Variants in ANKS1B observed in about 807,000 individuals in gnomAD.
ANKS1B encodes ankyrin repeat and sterile alpha motif domain-containing protein 1B.
In ANKS1B, 36 loss-of-function variants were observed where a neutral mutation model predicts 148.3. The ratio of observed to expected loss-of-function variants is 0.24; its 90% CI spans 0.19 to 0.32. The LOEUF is 0.32. Among genes scored for constraint, ANKS1B ranks in the 10% least tolerant of loss-of-function variants. The pLI is 1.00. For synonymous variants in ANKS1B, 542 were observed against 560.8 expected (o/e 0.97, Z 0.47); for missense variants, 1,157 against 1,542.6 (o/e 0.75, Z 4.19).
intron 9 of ANKS1B, among the ~76,000 whole-genome samples, chr12:99,592,405 G>A (rs570875209): frequency 1.4e-3 from 206 of 151,466 alleles, no homozygotes; most frequent in Non-Finnish European, 2.4e-3. Flanking sequence ...TGGATGGTAA[G>A]GGTATTTCAT....
At chr12:99,076,759 C>G (rs1254589406) in intron 16 of ANKS1B, among the ~76,000 whole-genome samples, 1 of 152,132 alleles carries the variant, frequency 6.6e-6, no homozygotes, top group Non-Finnish European at 1.5e-5. Context: ...AGTTCTTAAT[C>G]TAGCTGGATA....
intron 9 of ANKS1B, among the ~76,000 whole-genome samples, chr12:99,516,320 G>T (rs976061240): frequency 1.9e-4 from 29 of 152,026 alleles, no homozygotes; most frequent in Non-Finnish European, 3.1e-4. Context: ...ATTTTCATTT[G>T]ATATTTGTAT....
rs562782939 is a variant in ANKS1B at position 99,722,946 on chromosome 12, G to A, written c.1128+49976C>T. ...AGGGCAGGTGGGTCCCCACCCCCCC[G>A]CCAAGGGAGGTGATGAGTGAGTGTG... On this transcript the variant is annotated intron_variant, in intron 8 of 26. Coordinates refer to ENST00000683438, the MANE Select transcript of ANKS1B (RefSeq NM_001352186.2). Among the ~76,000 whole-genome samples the A allele has an allele frequency of 1.6e-3, 238 of 152,284 alleles. 1 individual carries two copies. The highest frequency in any genetic ancestry group is 5.3e-3 in the African/African-American group (219 of 41,552).
intron 10 of ANKS1B, among the ~76,000 whole-genome samples, chr12:99,497,217 C>T (rs2096612673): frequency 6.6e-6 from 1 of 152,192 alleles, no homozygotes; most frequent in Non-Finnish European, 1.5e-5. Flanking sequence ...GTAATACCTA[C>T]TGCTACATAA....
At chr12:99,204,789 T>C (rs987604621) in intron 14 of ANKS1B, among the ~76,000 whole-genome samples, 1 of 152,200 alleles carries the variant, frequency 6.6e-6, no homozygotes, top group Non-Finnish European at 1.5e-5. Flanking sequence ...TAAAGCCTTA[T>C]TGAGGGTAGC....
chr12:99,982,191 G>T (rs1311119150), intron 1 of ANKS1B, among the ~76,000 whole-genome samples: 2 of 151,954 alleles, frequency 1.3e-5, no homozygotes, highest in Non-Finnish European at 2.9e-5. Flanking sequence ...CTTTGTTGTA[G>T]AGCTACTACT....
chr12:99,011,660 T>C (rs980423964), intron 17 of ANKS1B, among the ~76,000 whole-genome samples: 2 of 152,184 alleles, frequency 1.3e-5, no homozygotes, highest in African/African-American at 4.8e-5. Flanking sequence ...GCAACATATA[T>C]GTTTCTAAAA....
chr12:99,714,272 T>C (rs928602096), intron 8 of ANKS1B, among the ~76,000 whole-genome samples: 8 of 152,198 alleles, frequency 5.3e-5, no homozygotes, highest in African/African-American at 1.7e-4. Flanking sequence ...TAAGAACCCT[T>C]GTGATTTGTC....
intron 1 of ANKS1B, among the ~76,000 whole-genome samples, chr12:99,955,350 G>C (rs1043636861): frequency 1.3e-5 from 2 of 151,642 alleles, no homozygotes; most frequent in African/African-American, 4.8e-5. Flanking sequence ...AAAATTAGCC[G>C]GGCATGGTGG....
intron 8 of ANKS1B, among the ~76,000 whole-genome samples, chr12:99,722,963 G>A (rs1328932933): frequency 2.0e-5 from 3 of 152,238 alleles, no homozygotes; most frequent in Admixed American, 6.5e-5. Flanking sequence ...GAGGTGATGA[G>A]TGAGTGTGCC....
chr12:99,123,013 T>TATATATATATATATATATATATAA (rs1406812994), intron 15 of ANKS1B, among the ~76,000 whole-genome samples: 1 of 145,688 alleles, frequency 6.9e-6, no homozygotes, highest in African/African-American at 2.5e-5. Flanking sequence ...TATATATATA[T>TATATATATATATATATATATATAA]AAACATGTAT....
chr12:99,440,417 AT>A (rs574572723), intron 11 of ANKS1B, among the ~76,000 whole-genome samples: 13 of 151,428 alleles, frequency 8.6e-5, no homozygotes, highest in Non-Finnish European at 1.2e-4. Flanking sequence ...TATTTCAAAG[AT>A]TTTTTTTTCA....
At chr12:99,791,890 GAAAT>G (rs1225462059) in intron 4 of ANKS1B, among the ~76,000 whole-genome samples, 1 of 141,160 alleles carries the variant, frequency 7.1e-6, no homozygotes, top group African/African-American at 2.6e-5. Context: ...GAGAAGAAAA[GAAAT>G]AATAAGGATC....
chr12:99,370,057 C>T (rs2093040678), intron 12 of ANKS1B, among the ~76,000 whole-genome samples: 1 of 149,268 alleles, frequency 6.7e-6, no homozygotes, highest in African/African-American at 2.5e-5. Context: ...AAAGAAGACC[C>T]TTATAAGTGT....
intron 12 of ANKS1B, among the ~76,000 whole-genome samples, chr12:99,294,838 A>G (rs1238647415): frequency 6.6e-6 from 1 of 152,164 alleles, no homozygotes. Flanking sequence ...TTTTTAGTAG[A>G]GACGGGGTTT....
At chr12:98,773,312 TCCACTATATTATTTGTGGGTAAATGAATA>T in intron 24 of ANKS1B, 133 bp from the exon 25 acceptor site, 1 of 983,230 alleles carries the variant, frequency 1.0e-6, no homozygotes, top group Non-Finnish European at 1.4e-6. Context: ...CTCAAAGTGG[TCCACTATATTATTTGTGGGTAAATGAATA>T]CCAGATATGG....
intron 9 of ANKS1B, among the ~76,000 whole-genome samples, chr12:99,548,920 G>T (rs1417130539): frequency 6.6e-6 from 1 of 151,786 alleles, no homozygotes; most frequent in Non-Finnish European, 1.5e-5. Flanking sequence ...TGCCTACCCA[G>T]AATTATGAAA....
chr12:99,538,666 A>C (rs1380403936), intron 9 of ANKS1B, among the ~76,000 whole-genome samples: 3 of 152,096 alleles, frequency 2.0e-5, no homozygotes, highest in Non-Finnish European at 4.4e-5. Context: ...GGTTTTTCTA[A>C]AATCATATCA....
chr12:99,469,175 T>C (rs1472925925), intron 10 of ANKS1B, among the ~76,000 whole-genome samples: 1 of 150,970 alleles, frequency 6.6e-6, no homozygotes, highest in East Asian at 2.0e-4. Context: ...TCATTCTCAG[T>C]AAACTATCGC....
Sources: allele counts gnomAD v4.1 joint callset (sites outside exome capture counted in the v4.1 genomes callset), GRCh38; gene constraint gnomAD v4.1.1; transcripts MANE v1.5; gene names NCBI Gene and HGNC (gene_info 2026-07-23, HGNC 2026-07-21).